Variants in ANKS1B observed in about 807,000 individuals in gnomAD.
ANKS1B encodes the protein ankyrin repeat and sterile alpha motif domain-containing protein 1B.
In ANKS1B, 36 loss-of-function variants were observed where a neutral mutation model predicts 148.3. The observed-to-expected ratio is 0.24, with a 90% CI of 0.19 to 0.32. The LOEUF (loss-of-function observed/expected upper bound fraction) is 0.32, where lower values mean the gene tolerates loss of function less well. ANKS1B is among the 10% of genes least tolerant of loss of function. ANKS1B has a pLI of 1.00. For missense variants in ANKS1B, 1,157 were observed against 1,542.6 expected, an observed-to-expected ratio of 0.75 and a Z score of 4.19; for synonymous variants, 542 against 560.8, an observed-to-expected ratio of 0.97 and a Z score of 0.47.
At chr12:99,316,564 T>A (rs919380571) in intron 12 of ANKS1B, among the ~76,000 whole-genome samples, 1 of 152,352 alleles carries the variant, frequency 6.6e-6, no homozygotes, top group South Asian at 2.1e-4. Context: ...AGATTCTGGA[T>A]ATTAGCCCTT....
At chr12:98,836,631 T>C (rs1460088639) in intron 17 of ANKS1B, among the ~76,000 whole-genome samples, 1 of 152,204 alleles carries the variant, frequency 6.6e-6, no homozygotes, top group Admixed American at 6.5e-5. Context: ...AGTGGAATCC[T>C]ACAACCCCAG....
chr12:99,716,031 G>A (rs2057274204), intron 8 of ANKS1B, among the ~76,000 whole-genome samples: 3 of 151,974 alleles, frequency 2.0e-5, no homozygotes, highest in African/African-American at 4.8e-5. Flanking sequence ...TGCCTGCCTC[G>A]GTCCTTCACC....
intron 1 of ANKS1B, among the ~76,000 whole-genome samples, chr12:99,874,362 T>C (rs2091866303): frequency 6.6e-6 from 1 of 152,134 alleles, no homozygotes; most frequent in Non-Finnish European, 1.5e-5. Flanking sequence ...ACAAGAACTG[T>C]TACAGCTCAC....
intron 6 of ANKS1B, among the ~76,000 whole-genome samples, chr12:99,778,775 G>T (rs1004496943): frequency 2.0e-5 from 3 of 152,168 alleles, no homozygotes; most frequent in African/African-American, 4.8e-5. Flanking sequence ...TTTGGAAATA[G>T]AGAAGAGAGC....
intron 4 of ANKS1B, among the ~76,000 whole-genome samples, chr12:99,796,411 G>C (rs2066261025): frequency 6.6e-6 from 1 of 151,916 alleles, no homozygotes. Flanking sequence ...TGGGCGGCAG[G>C]GGTAGGGGGA....
chr12:99,852,505 C>T (rs1213270875), intron 1 of ANKS1B, among the ~76,000 whole-genome samples: 1 of 152,118 alleles, frequency 6.6e-6, no homozygotes, highest in Non-Finnish European at 1.5e-5. Context: ...TAATTAGTTT[C>T]CAGCATTTCT....
At chr12:99,411,932 T>C (rs1228625215) in intron 11 of ANKS1B, among the ~76,000 whole-genome samples, 2 of 152,232 alleles carry the variant, frequency 1.3e-5, no homozygotes, top group Non-Finnish European at 2.9e-5. Context: ...GAAATACTTA[T>C]TGACCATTAT....
At chr12:99,222,048 T>C (rs1363772329) in intron 14 of ANKS1B, among the ~76,000 whole-genome samples, 3 of 152,128 alleles carry the variant, frequency 2.0e-5, no homozygotes, top group Non-Finnish European at 1.5e-5. Context: ...TGTGGAAATA[T>C]CTCTATTAAA....
chr12:99,576,313 A>G (rs1445918569), intron 9 of ANKS1B, among the ~76,000 whole-genome samples: 1 of 151,996 alleles, frequency 6.6e-6, no homozygotes, highest in South Asian at 2.1e-4. Context: ...AGACTTCAAC[A>G]CCCCACTAGA....
At chr12:98,993,314 C>T (rs1437554406) in intron 17 of ANKS1B, among the ~76,000 whole-genome samples, 1 of 152,266 alleles carries the variant, frequency 6.6e-6, no homozygotes, top group East Asian at 1.9e-4. Flanking sequence ...ATTACAGCTG[C>T]ACGCCACCAT....
At chr12:98,884,691 C>T (rs1364214383) in intron 17 of ANKS1B, among the ~76,000 whole-genome samples, 7 of 148,286 alleles carry the variant, frequency 4.7e-5, no homozygotes, top group African/African-American at 1.0e-4. Context: ...CCCAGCTACT[C>T]GGGAGGCTGA....
At chr12:99,575,237 C>A (rs2097504589) in intron 9 of ANKS1B, among the ~76,000 whole-genome samples, 1 of 152,040 alleles carries the variant, frequency 6.6e-6, no homozygotes, top group Non-Finnish European at 1.5e-5. Context: ...GACCTATAGT[C>A]AGCATCCTTA....
At chr12:99,001,442 T>G (rs142214076) in intron 17 of ANKS1B, among the ~76,000 whole-genome samples, 3 of 152,210 alleles carry the variant, frequency 2.0e-5, no homozygotes, top group Non-Finnish European at 4.4e-5. Context: ...GTTTCAGTTA[T>G]TTTAGATAAA....
At chr12:99,847,497 C>A (rs969716402) in intron 1 of ANKS1B, among the ~76,000 whole-genome samples, 19 of 152,286 alleles carry the variant, frequency 1.2e-4, no homozygotes, top group African/African-American at 3.6e-4. Flanking sequence ...TCCTGCCCTA[C>A]ACCCAGAAGG....
chr12:99,804,480 A>G (rs2067344352), intron 4 of ANKS1B, among the ~76,000 whole-genome samples: 1 of 152,194 alleles, frequency 6.6e-6, no homozygotes, highest in Admixed American at 6.5e-5. Context: ...AATGCAGGCA[A>G]AGCTCTAAAG....
chr12:99,226,899 C>T (rs1405485858), intron 14 of ANKS1B, among the ~76,000 whole-genome samples: 7 of 152,108 alleles, frequency 4.6e-5, no homozygotes, highest in Non-Finnish European at 8.8e-5. Context: ...TTTATAGGGA[C>T]GGCTAAACAG....
At chr12:99,294,114 T>C (rs1021977203) in intron 12 of ANKS1B, among the ~76,000 whole-genome samples, 5 of 152,196 alleles carry the variant, frequency 3.3e-5, no homozygotes, top group African/African-American at 1.2e-4. Flanking sequence ...GAGAAAAATA[T>C]GTAGGTTACT....
chr12:99,331,144 C>T (rs758147348), intron 12 of ANKS1B, among the ~76,000 whole-genome samples: 3 of 151,720 alleles, frequency 2.0e-5, no homozygotes, highest in East Asian at 1.9e-4. Flanking sequence ...TGTATATGAC[C>T]GTGCATGTGT....
At chr12:98,974,469 G>C (rs76046401) in intron 17 of ANKS1B, among the ~76,000 whole-genome samples, 1,701 of 152,248 alleles carry the variant, frequency 0.011, 33 homozygotes, top group African/African-American at 0.039. Flanking sequence ...TAGGTATTTA[G>C]ATATTTTTAT....
Sources: gnomAD v4.1 joint callset for allele counts (sites outside exome capture counted in the v4.1 genomes callset) on GRCh38, gnomAD v4.1.1 for gene constraint, MANE v1.5 for transcripts, NCBI Gene and HGNC (gene_info 2026-07-23, HGNC 2026-07-21) for gene names.